AOPEP: variants seen among roughly 807,000 people sequenced by gnomAD.
AOPEP encodes the protein aminopeptidase O (putative).
In AOPEP, 77 loss-of-function variants were observed where a neutral mutation model predicts 98.1. That is an observed-to-expected ratio of 0.78 (90% confidence interval 0.65 to 0.95). The LOEUF is 0.95. Among genes scored for constraint, AOPEP ranks in the 40% least tolerant of loss-of-function variants. AOPEP has a pLI of 0.00. For missense variants in AOPEP, 1,024 were observed against 1,024.7 expected (o/e 1.00, Z 0.01); for synonymous variants, 346 against 365.3 (o/e 0.95, Z 0.60).
rs935614828 is a variant in AOPEP at position 94,912,700 on chromosome 9, A to G, written c.1365-11286A>G. The stretch of plus-strand genomic sequence containing the variant: ...TCTCGGCTATGGGCTCCCTGGGAAA[A>G]GTTGCTTTCCTGATGAAAGGGATCG... On this transcript the variant is annotated intron_variant, in intron 5 of 16. Transcript: ENST00000375315. 2.0e-5 allele frequency among the ~76,000 whole-genome samples: 3 copies of G among 152,214 alleles called. No individual in the cohort carries two copies. In the East Asian group the frequency reaches 5.8e-4, roughly 29 times the overall value.
chr9:94,746,078 C>T (rs67208365), intron 1 of AOPEP, among the ~76,000 whole-genome samples: 7,890 of 152,226 alleles, frequency 0.052, 229 homozygotes, highest in Admixed American at 0.077. Context: ...TAGAATGAGA[C>T]AAGAGCTGGG....
At chr9:94,919,822 G>T (rs2053342007) in intron 5 of AOPEP, among the ~76,000 whole-genome samples, 1 of 152,154 alleles carries the variant, frequency 6.6e-6, no homozygotes, top group East Asian at 1.9e-4. Flanking sequence ...TATCTATCCT[G>T]CTGGACTTTA....
chr9:94,950,665 A>C (rs1227002499), intron 7 of AOPEP, among the ~76,000 whole-genome samples: 2 of 152,240 alleles, frequency 1.3e-5, no homozygotes, highest in Non-Finnish European at 2.9e-5. Flanking sequence ...AGATGTTGAA[A>C]TGATCATTAA....
chr9:95,061,883 T>C (rs753798766), intron 14 of AOPEP, among the ~76,000 whole-genome samples: 6 of 152,384 alleles, frequency 3.9e-5, no homozygotes, highest in Non-Finnish European at 7.3e-5. Flanking sequence ...TCAGCTCTTA[T>C]ATTTTTGTAT....
chr9:95,133,745 C>T, the AOPEP span, among the ~76,000 whole-genome samples: 3,952 of 152,292 alleles, frequency 0.026, 152 homozygotes, highest in African/African-American at 0.08. Context: ...CAGTTACTAT[C>T]ATTTTGCCAC....
intron 2 of AOPEP, among the ~76,000 whole-genome samples, chr9:94,760,959 C>T (rs1838146073): frequency 6.6e-6 from 1 of 152,126 alleles, no homozygotes. Context: ...CTTCATAGTC[C>T]CTTGAGAGAC....
chr9:94,735,826 C>T lies in AOPEP; in HGVS notation c.-136+9075C>T, dbSNP rs144629820. On this transcript the variant is annotated intron_variant, in intron 1 of 16. Transcript: ENST00000375315. Reference sequence around the variant, plus strand: ...CCTGTACTGATTGGCAGTGACTCCTCATTCTCTCTTTATCCCAGTCCTTGG... The same window carrying T: ...CCTGTACTGATTGGCAGTGACTCCTTATTCTCTCTTTATCCCAGTCCTTGG... 5.5e-3 allele frequency among the ~76,000 whole-genome samples: 837 copies of T among 152,294 alleles called. 6 individuals are homozygous for T. The highest frequency in any genetic ancestry group is 8.7e-3 in the Non-Finnish European group (595 of 68,004).
intron 3 of AOPEP, among the ~76,000 whole-genome samples, chr9:94,784,171 T>C (rs913738348): frequency 2.0e-5 from 3 of 152,246 alleles, no homozygotes; most frequent in Non-Finnish European, 4.4e-5. Flanking sequence ...ACTTAGCCTC[T>C]GCACAAGCAG....
At chr9:94,737,746 TGTG>T (rs2131844273) in intron 1 of AOPEP, among the ~76,000 whole-genome samples, 1 of 152,248 alleles carries the variant, frequency 6.6e-6, no homozygotes, top group East Asian at 1.9e-4. Flanking sequence ...AGCAACAAGA[TGTG>T]GTGTGCTTAA....
At chr9:95,022,735 A>G (rs1000338994) in intron 13 of AOPEP, among the ~76,000 whole-genome samples, 7 of 152,152 alleles carry the variant, frequency 4.6e-5, no homozygotes, top group Admixed American at 2.0e-4. Context: ...AGCTCAGTAG[A>G]AATAGTTTGT....
At chr9:94,990,732 A>T (rs954209562) in intron 11 of AOPEP, among the ~76,000 whole-genome samples, 2 of 151,958 alleles carry the variant, frequency 1.3e-5, no homozygotes, top group African/African-American at 4.8e-5. Context: ...GGTTCAAGCC[A>T]TTCTCCTGCC....
At chr9:94,998,142 C>A (rs570320221) in intron 11 of AOPEP, among the ~76,000 whole-genome samples, 68 of 151,744 alleles carry the variant, frequency 4.5e-4, no homozygotes, top group Admixed American at 1.2e-3. Context: ...ATTATATTTT[C>A]CAGCCTATGT....
chr9:94,747,043 T>G (rs114727539), intron 1 of AOPEP, among the ~76,000 whole-genome samples: 91,400 of 144,216 alleles, frequency 0.63, 28,690 homozygotes, highest in South Asian at 0.73. Context: ...TCCAGTGGGT[T>G]TTTTTTTTTT....
intron 16 of AOPEP, among the ~76,000 whole-genome samples, chr9:95,084,345 T>C (rs1418617303): frequency 1.3e-5 from 2 of 152,188 alleles, no homozygotes; most frequent in African/African-American, 4.8e-5. Context: ...AGCATGATCA[T>C]ATTCTTCCAG....
At chr9:95,142,256 G>A in the AOPEP span, among the ~76,000 whole-genome samples, 3 of 152,010 alleles carry the variant, frequency 2.0e-5, no homozygotes, top group African/African-American at 7.3e-5. Context: ...GCCTTCCAAA[G>A]TGCTGGGATT....
In AOPEP at chr9:94,926,458, C is replaced by G. The variant is rs773061718; in HGVS notation, c.1555-1967C>G. On this transcript the variant is annotated intron_variant, in intron 6 of 16. Transcript: ENST00000375315. The stretch of plus-strand genomic sequence containing the variant: ...CTTGGAGGTACATGCAGTAACTCTT[C>G]GAGATGTGAAAACATGAATATCCCT... Among the ~76,000 whole-genome samples the G allele has an allele frequency of 2.0e-5, 3 of 152,270 alleles. 1 individual carries two copies.
At chr9:95,138,136 C>A in the AOPEP span, among the ~76,000 whole-genome samples, 2 of 152,238 alleles carry the variant, frequency 1.3e-5, no homozygotes, top group African/African-American at 2.4e-5. Context: ...ACAAAATTAT[C>A]CCCTCCCCGC....
intron 5 of AOPEP, among the ~76,000 whole-genome samples, chr9:94,850,195 A>G (rs1359587727): frequency 6.6e-6 from 1 of 152,186 alleles, no homozygotes; most frequent in Admixed American, 6.5e-5. Context: ...AAGTATTTCT[A>G]ATTGTAAAAA....
chr9:95,126,998 AG>A, the AOPEP span: 1 of 233,456 alleles, frequency 4.3e-6, no homozygotes, highest in East Asian at 9.9e-5. Context: ...CCGTGCCTGC[AG>A]CCTGTTTATT....
Sources: allele counts gnomAD v4.1 joint callset (sites outside exome capture counted in the v4.1 genomes callset), GRCh38; gene constraint gnomAD v4.1.1; transcripts MANE v1.5; gene names NCBI Gene and HGNC (gene_info 2026-07-23, HGNC 2026-07-21).